The following UBA6 variants were observed in gnomAD, a reference collection of about 807,000 sequenced individuals.
The protein encoded by UBA6 is ubiquitin-like modifier-activating enzyme 6.
UBA6 carries 87 observed loss-of-function variants against 148.3 expected under a neutral mutation model. The observed-to-expected ratio is 0.59, with a 90% CI of 0.49 to 0.70. The LOEUF (loss-of-function observed/expected upper bound fraction) is 0.70. UBA6 is among the 30% of genes least tolerant of loss of function. The pLI, the probability that UBA6 is intolerant of heterozygous loss-of-function variation, is 0.00. For missense variants in UBA6, 1,186 were observed against 1,241.2 expected (o/e 0.96, Z 0.67); for synonymous variants, 376 against 401.0 (o/e 0.94, Z 0.75).
intron 2 of UBA6, among the ~76,000 whole-genome samples, chr4:67,692,930 G>A (rs1247111551): frequency 2.0e-5 from 3 of 152,144 alleles, no homozygotes; most frequent in Admixed American, 2.0e-4. Flanking sequence ...ATTCAAGATT[G>A]CATTGATTTC....
In UBA6 at chr4:67,635,563, T is replaced by C. The variant is rs772263440; in HGVS notation, c.1737-5A>G. 2.5e-6 allele frequency: 4 copies of C among 1,593,138 alleles called. No individual in the cohort carries two copies. The highest frequency in any genetic ancestry group is 1.7e-5 in the Admixed American group (1 of 59,696). ...CTTAGATTTGCTAAGCAACGACTAT[T>C]TGAAAAGACAGCAAGTAAAAAACAA... On this transcript the variant is annotated splice_region_variant and splice_polypyrimidine_tract_variant and intron_variant, in intron 19 of 32. Coordinates refer to ENST00000322244, the MANE Select transcript of UBA6 (RefSeq NM_018227.6).
At chr4:67,646,436 CCTAT>C (rs1424959600) in intron 15 of UBA6, among the ~76,000 whole-genome samples, 2 of 152,046 alleles carry the variant, frequency 1.3e-5, no homozygotes, top group African/African-American at 4.8e-5. Context: ...TGAAGAATTA[CCTAT>C]ATAAATAAAG....
intron 4 of UBA6, among the ~76,000 whole-genome samples, chr4:67,680,001 CAT>C (rs1730392274): frequency 6.6e-6 from 1 of 152,098 alleles, no homozygotes; most frequent in African/African-American, 2.4e-5. Flanking sequence ...TGTTTAAATC[CAT>C]GAGTTTATCA....
At chr4:67,631,822 T>C in intron 24 of UBA6, 35 bp downstream of exon 24, 1 of 1,610,512 alleles carries the variant, frequency 6.2e-7, no homozygotes, top group African/African-American at 1.3e-5. Context: ...CAGTAATAAA[T>C]GTCATTAAAA....
At position 67,630,473 on chromosome 4, in the gene UBA6, G is replaced by A; in HGVS notation, c.2321C>T (p.Ala774Val). ...GCTTAAAGAATATCTTACCTCTTCTGCAAATGGAATACAATATACTGTAGC... is the reference window on the plus strand; with the variant it reads ...GCTTAAAGAATATCTTACCTCTTCTACAAATGGAATACAATATACTGTAGC... ...LYATVYCIPFAEEDLSADALL... is the reference protein window; with the variant it reads ...LYATVYCIPFVEEDLSADALL... Residue 774 changes from alanine to valine, a missense_variant, in exon 26 of 33, where the codon GCA becomes GTA. Transcript: ENST00000322244. 2 of 1,585,150 alleles carry A rather than the reference G, an allele frequency of 1.3e-6. No homozygotes were observed. The highest frequency in any genetic ancestry group is 8.6e-7 in the Non-Finnish European group (1 of 1,164,840).
In UBA6 at chr4:67,642,291, A is replaced by G. The variant is rs188911455; in HGVS notation, c.1477-1063T>C. Reference sequence around the variant, plus strand: ...GCCTAATGTTATGTGGTTATGCTCAAAATTTTAACATGCTTATGTGACTTA... The same window carrying G: ...GCCTAATGTTATGTGGTTATGCTCAGAATTTTAACATGCTTATGTGACTTA... On this transcript the variant is annotated intron_variant, in intron 17 of 32. Coordinates refer to ENST00000322244, the MANE Select transcript of UBA6 (RefSeq NM_018227.6). Among the ~76,000 whole-genome samples the G allele has an allele frequency of 9.8e-4, 149 of 152,216 alleles. 3 individuals are homozygous for G. In the East Asian group the frequency reaches 0.027, roughly 27 times the overall value.
intron 28 of UBA6, 42 bp downstream of exon 28, chr4:67,626,318 A>C: frequency 8.2e-7 from 1 of 1,223,240 alleles, no homozygotes; most frequent in South Asian, 1.2e-5. Flanking sequence ...GAAAATAAAA[A>C]CTCATCCAGT....
At chr4:67,634,858 T>C (rs1013885596) in intron 20 of UBA6, among the ~76,000 whole-genome samples, 2 of 152,098 alleles carry the variant, frequency 1.3e-5, no homozygotes, top group Admixed American at 1.3e-4. Flanking sequence ...ACTGCCCCGC[T>C]TTGAAAAGTA....
chr4:67,691,611 T>C (rs1730696010), intron 2 of UBA6, among the ~76,000 whole-genome samples: 1 of 152,162 alleles, frequency 6.6e-6, no homozygotes, highest in Non-Finnish European at 1.5e-5. Context: ...CTGTAAACCT[T>C]GAATGACATC....
At chr4:67,661,798 A>G (rs1298190992) in intron 13 of UBA6, 1 of 232,562 alleles carries the variant, frequency 4.3e-6, no homozygotes, top group African/African-American at 2.2e-5. Flanking sequence ...AAATGTGATA[A>G]AGAGATATGA....
intron 13 of UBA6, among the ~76,000 whole-genome samples, chr4:67,656,559 C>A (rs370520643): frequency 5.1e-4 from 77 of 152,304 alleles, no homozygotes; most frequent in Middle Eastern, 6.8e-3. Flanking sequence ...TTATGACAAA[C>A]CCACAGCCAA....
intron 18 of UBA6, 86 bp from the exon 19 acceptor site, chr4:67,639,210 T>C (rs1225335770): frequency 2.8e-6 from 3 of 1,086,514 alleles, no homozygotes; most frequent in Admixed American, 5.2e-5. Flanking sequence ...GTGATAAGAA[T>C]GTGTAAGTTC....
intron 16 of UBA6, among the ~76,000 whole-genome samples, chr4:67,645,608 AAAGAAAT>A (rs1729405500): frequency 6.6e-6 from 1 of 152,168 alleles, no homozygotes; most frequent in Non-Finnish European, 1.5e-5. Flanking sequence ...GAAAAAAAAA[AAAGAAAT>A]ACAGAATACA....
Position 67,623,094 on chromosome 4 carries a change from C to T in UBA6, c.2928+41G>A, listed in dbSNP as rs765932037. 2.3e-5 allele frequency: 34 copies of T among 1,472,350 alleles called. No homozygotes were observed. The South Asian group carries it at 3.6e-4, about 16-fold the overall frequency. 91.2% of individuals were successfully genotyped at this position (1,472,350 alleles called of 1,614,324 possible). ...AAATAAAAACAAAACAGAAACCAGA[C>T]ATAAAGCTACTAATGAACTAAATGA... is the stretch of plus-strand genomic sequence containing the variant. On this transcript the variant is annotated intron_variant, in intron 31 of 32. Transcript: ENST00000322244.
At chr4:67,694,886 G>A (rs1455309372) in intron 2 of UBA6, among the ~76,000 whole-genome samples, 5 of 152,062 alleles carry the variant, frequency 3.3e-5, no homozygotes, top group Middle Eastern at 3.2e-3. Flanking sequence ...AATAAGACAC[G>A]CATACCAAGT....
intron 10 of UBA6, 29 bp from the exon 11 acceptor site, chr4:67,663,976 A>G: frequency 6.4e-7 from 1 of 1,554,938 alleles, no homozygotes; most frequent in Non-Finnish European, 8.8e-7. Context: ...TCATTACTTC[A>G]GAGTGAGTGA....
intron 13 of UBA6, among the ~76,000 whole-genome samples, chr4:67,660,567 A>G (rs1209853017): frequency 2.0e-5 from 3 of 152,180 alleles, no homozygotes; most frequent in African/African-American, 4.8e-5. Flanking sequence ...CCTAGCTTTT[A>G]GAGGATGTAT....
chr4:67,652,678 C>G (rs1382050830), intron 13 of UBA6, among the ~76,000 whole-genome samples: 1 of 152,164 alleles, frequency 6.6e-6, no homozygotes, highest in Non-Finnish European at 1.5e-5. Context: ...ACTGGTTGGA[C>G]AGTGGGTGCA....
intron 6 of UBA6, among the ~76,000 whole-genome samples, chr4:67,674,951 C>T (rs1730241697): frequency 6.6e-6 from 1 of 152,092 alleles, no homozygotes; most frequent in South Asian, 2.1e-4. Context: ...TGCAAAACAA[C>T]CTCTGCCTCC....
Sources: allele counts gnomAD v4.1 joint callset (sites outside exome capture counted in the v4.1 genomes callset), GRCh38; gene constraint gnomAD v4.1.1; transcripts MANE v1.5; gene names NCBI Gene and HGNC (gene_info 2026-07-23, HGNC 2026-07-21).